The following ZNF385B variants were observed in gnomAD, a reference collection of about 807,000 sequenced individuals.
ZNF385B encodes the protein zinc finger protein 385B.
A neutral mutation model predicts 39.2 loss-of-function variants in ZNF385B; 23 were observed. That is an observed-to-expected ratio of 0.59 (90% CI 0.42 to 0.83). The LOEUF (loss-of-function observed/expected upper bound fraction) is 0.83, where lower values mean the gene tolerates loss of function less well. ZNF385B is among the 40% of genes least tolerant of loss of function. The pLI, the probability that ZNF385B is intolerant of heterozygous loss-of-function variation, is 0.00. For synonymous variants in ZNF385B, 205 were observed against 222.6 expected, an observed-to-expected ratio of 0.92 and a Z score of 0.70; for missense variants, 552 against 598.9, an observed-to-expected ratio of 0.92 and a Z score of 0.82.
chr2:179,750,218 T>C (rs1049545796), intron 3 of ZNF385B, among the ~76,000 whole-genome samples: 3 of 152,124 alleles, frequency 2.0e-5, no homozygotes, highest in Non-Finnish European at 4.4e-5. Context: ...AGGAGGTGGT[T>C]AGAGTTGTAA....
intron 3 of ZNF385B, among the ~76,000 whole-genome samples, chr2:179,690,412 C>T (rs1157946247): frequency 6.6e-6 from 1 of 152,150 alleles, no homozygotes; most frequent in East Asian, 1.9e-4. Flanking sequence ...CCCTGCAGAA[C>T]TTGTATATAA....
chr2:179,565,469 C>T (rs1471275169), intron 3 of ZNF385B, among the ~76,000 whole-genome samples: 1 of 152,240 alleles, frequency 6.6e-6, no homozygotes, highest in Non-Finnish European at 1.5e-5. Flanking sequence ...CAGCATCCAA[C>T]ACCATCCTCA....
chr2:179,603,356 C>A (rs1328527617), intron 3 of ZNF385B, among the ~76,000 whole-genome samples: 1 of 152,142 alleles, frequency 6.6e-6, no homozygotes, highest in African/African-American at 2.4e-5. Flanking sequence ...TATATGTTAG[C>A]GATCTTCCAA....
At chr2:179,509,799 C>T (rs10084234) in intron 5 of ZNF385B, among the ~76,000 whole-genome samples, 3,819 of 152,264 alleles carry the variant, frequency 0.025, 164 homozygotes, top group African/African-American at 0.088. Flanking sequence ...ATTTGTACTG[C>T]TGAACAGCAG....
intron 3 of ZNF385B, among the ~76,000 whole-genome samples, chr2:179,716,747 T>A (rs1363969172): frequency 6.6e-6 from 1 of 152,156 alleles, no homozygotes; most frequent in Non-Finnish European, 1.5e-5. Context: ...AGCTGAGATA[T>A]AAGCTGAAAC....
intron 1 of ZNF385B, among the ~76,000 whole-genome samples, chr2:179,857,906 A>C (rs980796216): frequency 6.6e-6 from 1 of 152,166 alleles, no homozygotes; most frequent in African/African-American, 2.4e-5. Flanking sequence ...AAAAAAATGC[A>C]GAGCTACTTT....
At chr2:179,726,503 A>T (rs796100934) in intron 3 of ZNF385B, among the ~76,000 whole-genome samples, 2 of 152,054 alleles carry the variant, frequency 1.3e-5, no homozygotes, top group African/African-American at 2.4e-5. Flanking sequence ...TACTATACTG[A>T]AGCAATTTTT....
intron 1 of ZNF385B, among the ~76,000 whole-genome samples, chr2:179,829,645 C>G (rs1012308351): frequency 1.3e-5 from 2 of 152,158 alleles, no homozygotes; most frequent in African/African-American, 4.8e-5. Context: ...TCCCAAGTAG[C>G]TGGGACTACA....
chr2:179,620,488 T>G (rs1515268), intron 3 of ZNF385B, among the ~76,000 whole-genome samples: 47,951 of 151,872 alleles, frequency 0.32, 8,173 homozygotes, highest in Non-Finnish European at 0.38. Flanking sequence ...TAAACAGTGC[T>G]CTGAGAATAA....
chr2:179,766,776 T>A (rs568380296), intron 3 of ZNF385B, among the ~76,000 whole-genome samples: 1 of 152,174 alleles, frequency 6.6e-6, no homozygotes, highest in Non-Finnish European at 1.5e-5. Context: ...TCCAATATAT[T>A]TTTTTGTGTG....
chr2:179,763,685 C>G (rs1703527719), intron 3 of ZNF385B, among the ~76,000 whole-genome samples: 1 of 152,136 alleles, frequency 6.6e-6, no homozygotes, highest in African/African-American at 2.4e-5. Flanking sequence ...ACATATTTTA[C>G]TATGTTGTGC....
chr2:179,581,801 A>G (rs530102269), intron 3 of ZNF385B, among the ~76,000 whole-genome samples: 99 of 152,308 alleles, frequency 6.5e-4, no homozygotes, highest in Admixed American at 1.0e-3. Flanking sequence ...TCATGCCCTT[A>G]GAAAGGTGTG....
At chr2:179,648,508 G>A (rs1252232581) in intron 3 of ZNF385B, among the ~76,000 whole-genome samples, 5 of 152,072 alleles carry the variant, frequency 3.3e-5, no homozygotes, top group Admixed American at 6.5e-5. Context: ...ACATATATAC[G>A]TTTGCTCCGA....
At chr2:179,855,452 G>T (rs138777045) in intron 1 of ZNF385B, among the ~76,000 whole-genome samples, 2 of 152,116 alleles carry the variant, frequency 1.3e-5, no homozygotes, top group African/African-American at 4.8e-5. Flanking sequence ...CATAAAGTAG[G>T]TATGAAAGCC....
At chr2:179,641,273 T>A (rs1450221946) in intron 3 of ZNF385B, among the ~76,000 whole-genome samples, 1 of 152,152 alleles carries the variant, frequency 6.6e-6, no homozygotes, top group Non-Finnish European at 1.5e-5. Flanking sequence ...TTCTAATCTT[T>A]TTAATCAGTC....
chr2:179,598,771 T>A (rs193006137), intron 3 of ZNF385B, among the ~76,000 whole-genome samples: 2 of 152,294 alleles, frequency 1.3e-5, no homozygotes, highest in Non-Finnish European at 2.9e-5. Flanking sequence ...AATTGTGACA[T>A]CTTATACCTG....
rs1282017681 is a variant in ZNF385B, at chr2:179,752,017, T to C, written c.298+17486A>G. On this transcript the variant is annotated intron_variant, in intron 3 of 9. Transcript: ENST00000410066. Reference sequence around the variant, plus strand: ...TTCTTACATATGTATACATGTGCCATGTTCGTGTGCTGCACCCATTAACTC... The same window carrying C: ...TTCTTACATATGTATACATGTGCCACGTTCGTGTGCTGCACCCATTAACTC... Among the ~76,000 whole-genome samples, 10 of 152,190 alleles carry C rather than the reference T, an allele frequency of 6.6e-5. No individual in the cohort carries two copies. The East Asian group carries it at 1.5e-3, about 23-fold the overall frequency.
At chr2:179,790,159 C>T (rs1705240195) in intron 1 of ZNF385B, among the ~76,000 whole-genome samples, 1 of 152,182 alleles carries the variant, frequency 6.6e-6, no homozygotes. Flanking sequence ...CTATGGATCT[C>T]AGTTCCTTCC....
chr2:179,627,514 C>T (rs1238378076), intron 3 of ZNF385B, among the ~76,000 whole-genome samples: 1 of 152,134 alleles, frequency 6.6e-6, no homozygotes, highest in Non-Finnish European at 1.5e-5. Context: ...GAGCTGGGAT[C>T]TTACCCAAGA....
Sources: gnomAD v4.1 joint callset for allele counts (sites outside exome capture counted in the v4.1 genomes callset) on GRCh38, gnomAD v4.1.1 for gene constraint, MANE v1.5 for transcripts, NCBI Gene and HGNC (gene_info 2026-07-23, HGNC 2026-07-21) for gene names.